Variants in SGCZ observed in about 807,000 individuals in gnomAD.
SGCZ encodes the protein sarcoglycan zeta, also known as zeta-sarcoglycan.
Under a neutral mutation model 41.3 loss-of-function variants are expected in SGCZ, and 40 were observed. That is an observed-to-expected ratio of 0.97 (90% CI 0.75 to 1.26). SGCZ has a LOEUF of 1.26. Among genes scored for constraint, SGCZ ranks in the 50% most tolerant of loss-of-function variants. The probability of loss-of-function intolerance (pLI) is 0.00; values close to 1 mark genes in which losing one functional copy is unlikely to be tolerated. For synonymous variants in SGCZ, 206 were observed against 137.5 expected, an observed-to-expected ratio of 1.50 and a Z score of -3.49; for missense variants, 552 against 369.8, an observed-to-expected ratio of 1.49 and a Z score of -4.04.
rs1276979283 is a variant in SGCZ at position 14,089,208 on chromosome 8, A to G, written c.*1235T>C. Among the ~76,000 whole-genome samples the G allele has an allele frequency of 2.0e-5, 3 of 152,000 alleles. No individual in the cohort carries two copies. The highest frequency in any genetic ancestry group is 4.4e-5 in the Non-Finnish European group (3 of 67,940). ...TTTTTGAGGTCAGGGTAGCCTAACA[A>G]CGATCTAATAAAAGTAAATATATGT... On this transcript the variant is annotated 3_prime_UTR_variant, in exon 8 of 8. Coordinates refer to ENST00000382080, the MANE Select transcript of SGCZ (RefSeq NM_139167.4).
At chr8:14,206,682 T>C (rs1369502259) in intron 4 of SGCZ, among the ~76,000 whole-genome samples, 3 of 152,210 alleles carry the variant, frequency 2.0e-5, no homozygotes, top group African/African-American at 7.2e-5. Context: ...AACAAGCAGT[T>C]ACCTCTGGCC....
intron 1 of SGCZ, among the ~76,000 whole-genome samples, chr8:14,876,928 A>ATGACTCTT (rs200556565): frequency 0.022 from 3,416 of 152,218 alleles, 42 homozygotes; most frequent in Middle Eastern, 0.038. Context: ...GGTTCCACTG[A>ATGACTCTT]TGACTCTTAG....
intron 1 of SGCZ, among the ~76,000 whole-genome samples, chr8:14,874,924 T>C (rs1563331198): frequency 6.6e-6 from 1 of 152,148 alleles, no homozygotes; most frequent in Admixed American, 6.6e-5. Flanking sequence ...TCAATTTATT[T>C]TGAGAAAAGA....
chr8:14,194,655 T>C (rs1230048735), intron 4 of SGCZ, among the ~76,000 whole-genome samples: 2 of 151,994 alleles, frequency 1.3e-5, no homozygotes, highest in Non-Finnish European at 2.9e-5. Flanking sequence ...TACTTTCTCA[T>C]CTGAAACAGG....
At chr8:14,686,271 C>T (rs140697265) in intron 1 of SGCZ, among the ~76,000 whole-genome samples, 1 of 151,910 alleles carries the variant, frequency 6.6e-6, no homozygotes, top group African/African-American at 2.4e-5. Context: ...TGAATAATTG[C>T]TGTAATATGT....
chr8:15,174,899 G>T (rs1295143401), intron 1 of SGCZ, among the ~76,000 whole-genome samples: 1 of 151,810 alleles, frequency 6.6e-6, no homozygotes, highest in South Asian at 2.1e-4. Context: ...CTGTTGGGAG[G>T]AGTGTAAATT....
chr8:15,124,371 G>A (rs1484997801), intron 1 of SGCZ, among the ~76,000 whole-genome samples: 1 of 152,064 alleles, frequency 6.6e-6, no homozygotes, highest in Non-Finnish European at 1.5e-5. Flanking sequence ...GGGAATTGAG[G>A]CCACAAGCCT....
intron 2 of SGCZ, among the ~76,000 whole-genome samples, chr8:14,363,469 C>A (rs1362243312): frequency 6.6e-6 from 1 of 152,086 alleles, no homozygotes; most frequent in Non-Finnish European, 1.5e-5. Flanking sequence ...AGGTAATAAG[C>A]CCAAGACAGG....
At chr8:14,403,844 G>C (rs1254460239) in intron 2 of SGCZ, among the ~76,000 whole-genome samples, 1 of 151,514 alleles carries the variant, frequency 6.6e-6, no homozygotes, top group Admixed American at 6.6e-5. Flanking sequence ...CTCTGTTAAG[G>C]CTGTTAACTA....
chr8:14,866,735 C>A (rs1202053114), intron 1 of SGCZ, among the ~76,000 whole-genome samples: 1 of 151,916 alleles, frequency 6.6e-6, no homozygotes, highest in Non-Finnish European at 1.5e-5. Flanking sequence ...GCCTGAGACC[C>A]AGAAGACTTG....
chr8:14,737,772 T>G (rs76927653), intron 1 of SGCZ, among the ~76,000 whole-genome samples: 3,821 of 152,190 alleles, frequency 0.025, 166 homozygotes, highest in African/African-American at 0.087. Flanking sequence ...TGACCTCATT[T>G]TAACTTAATC....
chr8:14,573,856 A>G (rs1804632006), intron 1 of SGCZ, among the ~76,000 whole-genome samples: 1 of 152,178 alleles, frequency 6.6e-6, no homozygotes, highest in Admixed American at 6.5e-5. Flanking sequence ...GAGTTTTCTG[A>G]TTAGACCATG....
At chr8:15,086,100 A>C (rs990544807) in intron 1 of SGCZ, among the ~76,000 whole-genome samples, 7 of 152,234 alleles carry the variant, frequency 4.6e-5, no homozygotes, top group African/African-American at 1.7e-4. Flanking sequence ...TCTAAACTTA[A>C]TTAGCATTCT....
chr8:14,391,423 A>G (rs1804767438), intron 2 of SGCZ, among the ~76,000 whole-genome samples: 11 of 152,312 alleles, frequency 7.2e-5, no homozygotes, highest in Middle Eastern at 3.4e-3. Flanking sequence ...GTATACCTAT[A>G]TACTAAGAGA....
chr8:14,519,845 C>T (rs1383718527), intron 2 of SGCZ, among the ~76,000 whole-genome samples: 1 of 152,078 alleles, frequency 6.6e-6, no homozygotes, highest in Non-Finnish European at 1.5e-5. Flanking sequence ...TACCACTGAT[C>T]GTGTTTTGTG....
intron 1 of SGCZ, among the ~76,000 whole-genome samples, chr8:15,206,422 G>A (rs1038510631): frequency 1.3e-5 from 2 of 149,958 alleles, no homozygotes; most frequent in African/African-American, 2.5e-5. Flanking sequence ...AATAAAGATA[G>A]GAAGGTAGGC....
At position 14,277,569 on chromosome 8, in the gene SGCZ, T is replaced by C. The variant is rs549794661; in HGVS notation, c.337-39890A>G. ...AATACATGGATAATTGCAAAGTCAA[T>C]GAAGTAAAAGTTATTAAATTGCTAG... On this transcript the variant is annotated intron_variant, in intron 3 of 7. Transcript: ENST00000382080. 3.9e-4 allele frequency among the ~76,000 whole-genome samples: 60 copies of C among 152,216 alleles called. 1 individual carries two copies. Among genetic ancestry groups the C allele is most frequent in the African/African-American group, 1.4e-3 (58 of 41,550 alleles).
intron 1 of SGCZ, among the ~76,000 whole-genome samples, chr8:14,726,317 T>C (rs1391718179): frequency 7.6e-6 from 1 of 131,546 alleles, no homozygotes; most frequent in Non-Finnish European, 1.6e-5. Flanking sequence ...AATACATATA[T>C]ATATATCTAT....
chr8:14,786,095 AT>A (rs1172702094), intron 1 of SGCZ, among the ~76,000 whole-genome samples: 1 of 139,112 alleles, frequency 7.2e-6, no homozygotes, highest in Admixed American at 6.9e-5. Context: ...ACTGAAAAAA[AT>A]GAGATTATTA....
Sources: allele counts gnomAD v4.1 joint callset (sites outside exome capture counted in the v4.1 genomes callset), GRCh38; gene constraint gnomAD v4.1.1; transcripts MANE v1.5; gene names NCBI Gene and HGNC (gene_info 2026-07-23, HGNC 2026-07-21).